ARAP2: variants seen among roughly 807,000 people sequenced by gnomAD.
ARAP2 encodes the protein arf-GAP with Rho-GAP domain, ANK repeat and PH domain-containing protein 2.
A neutral mutation model predicts 194.5 loss-of-function variants in ARAP2; 148 were observed. That is an observed-to-expected ratio of 0.76 (90% confidence interval 0.67 to 0.87). The LOEUF is 0.87. ARAP2 is among the 40% of genes least tolerant of loss of function. ARAP2 has a pLI of 0.00. For missense variants in ARAP2, 2,128 were observed against 1,989.7 expected (o/e 1.07, Z -1.32); for synonymous variants, 695 against 683.5 (o/e 1.02, Z -0.26).
intron 6 of ARAP2, among the ~76,000 whole-genome samples, chr4:36,194,788 GAATT>G (rs1033395189): frequency 1.1e-4 from 17 of 151,832 alleles, no homozygotes; most frequent in African/African-American, 3.4e-4. Context: ...TATAAGCATT[GAATT>G]AATTATGAAG....
At chr4:36,224,764 C>T (rs1178436058) in intron 2 of ARAP2, among the ~76,000 whole-genome samples, 1 of 151,636 alleles carries the variant, frequency 6.6e-6, no homozygotes, top group Non-Finnish European at 1.5e-5. Flanking sequence ...AATAATTAGC[C>T]TTTTTTCATA....
intron 2 of ARAP2, among the ~76,000 whole-genome samples, chr4:36,053,402 G>A (rs897322124): frequency 6.6e-6 from 1 of 151,930 alleles, no homozygotes; most frequent in African/African-American, 2.4e-5. Flanking sequence ...ACATGCACCT[G>A]TGTAGCCTAA....
chr4:36,179,453 G>T (rs1025495466), intron 8 of ARAP2, among the ~76,000 whole-genome samples: 37 of 152,178 alleles, frequency 2.4e-4, no homozygotes, highest in African/African-American at 8.9e-4. Flanking sequence ...CATCCACGCA[G>T]ACTCATAGCA....
Position 36,159,381 on chromosome 4 carries a change from T to C in ARAP2, c.2567A>G (p.Lys856Arg). The change falls in exon 14 of 33, where the codon AAA becomes AGA. Residue 856 changes from lysine (K) to arginine (R), a missense_variant. By Grantham distance (26) the Lys-to-Arg change is conservative. Transcript: ENST00000303965. ...VHSTPYLLAK[K>R]AGQSLQMEFL... ...TTCCATTTGCAGACTTTGCCCAGCTTTCTTGGCTAGCAGATAGGGGGTGCT... is the reference window on the plus strand; with the variant it reads ...TTCCATTTGCAGACTTTGCCCAGCTCTCTTGGCTAGCAGATAGGGGGTGCT... 1.2e-6 allele frequency: 2 copies of C among 1,610,228 alleles called. No homozygotes were observed. The highest frequency in any genetic ancestry group is 1.7e-6 in the Non-Finnish European group (2 of 1,177,624).
chr4:36,144,156 T>C (rs1560521790), intron 19 of ARAP2, among the ~76,000 whole-genome samples: 1 of 151,414 alleles, frequency 6.6e-6, no homozygotes, highest in Non-Finnish European at 1.5e-5. Flanking sequence ...AAATACTCCA[T>C]AGGTTAAAAA....
intron 10 of ARAP2, chr4:36,006,486 T>C (rs960824341): frequency 1.3e-5 from 2 of 152,182 alleles, no homozygotes; most frequent in Admixed American, 1.3e-4. Flanking sequence ...GAACTAATAA[T>C]TGAAGCAAGG....
chr4:36,088,489 T>C (rs1712549803), intron 28 of ARAP2, among the ~76,000 whole-genome samples: 1 of 152,094 alleles, frequency 6.6e-6, no homozygotes, highest in Non-Finnish European at 1.5e-5. Flanking sequence ...AGAATGATAA[T>C]AAATGATAGT....
chr4:36,010,134 TATAA>T (rs1317970829), intron 9 of ARAP2, among the ~76,000 whole-genome samples: 1 of 151,490 alleles, frequency 6.6e-6, no homozygotes, highest in East Asian at 1.9e-4. Flanking sequence ...GAGAAAACAT[TATAA>T]ATAAATAAAT....
intron 5 of ARAP2, among the ~76,000 whole-genome samples, chr4:36,036,605 A>G (rs1719973035): frequency 6.6e-6 from 1 of 152,150 alleles, no homozygotes; most frequent in Admixed American, 6.5e-5. Context: ...TCTATACCAC[A>G]GTAAGTATTT....
At chr4:36,181,415 A>G (rs1739215520) in intron 8 of ARAP2, among the ~76,000 whole-genome samples, 1 of 152,080 alleles carries the variant, frequency 6.6e-6, no homozygotes, top group Non-Finnish European at 1.5e-5. Flanking sequence ...AAAAAAAAAG[A>G]GGTTTAAGAA....
At chr4:36,143,341 T>A (rs568242074) in intron 19 of ARAP2, among the ~76,000 whole-genome samples, 9 of 151,892 alleles carry the variant, frequency 5.9e-5, no homozygotes, top group African/African-American at 1.9e-4. Flanking sequence ...TTCTAATAAA[T>A]GCTTCAATTT....
At chr4:36,024,417 A>G (rs928047899) in intron 5 of ARAP2, among the ~76,000 whole-genome samples, 2 of 152,198 alleles carry the variant, frequency 1.3e-5, no homozygotes, top group Non-Finnish European at 2.9e-5. Context: ...ATTGGAATGC[A>G]TAAGTCATTG....
chr4:36,201,377 C>A (rs1185464222), intron 6 of ARAP2, among the ~76,000 whole-genome samples: 2 of 152,148 alleles, frequency 1.3e-5, no homozygotes, highest in Non-Finnish European at 2.9e-5. Context: ...AACATTTGAC[C>A]TCTACATTTT....
At chr4:36,125,269 A>T (rs1723621150) in intron 21 of ARAP2, among the ~76,000 whole-genome samples, 1 of 151,984 alleles carries the variant, frequency 6.6e-6, no homozygotes, top group South Asian at 2.1e-4. Flanking sequence ...TTTATGGAAT[A>T]CTGAACTTTA....
At chr4:36,230,125 A>G (rs1451504579) in intron 1 of ARAP2, among the ~76,000 whole-genome samples, 1 of 152,214 alleles carries the variant, frequency 6.6e-6, no homozygotes, top group Admixed American at 6.5e-5. Flanking sequence ...CTGGACAAAA[A>G]TCTATAAGCA....
chr4:36,213,401 GT>G, intron 3 of ARAP2, 82 bp from the exon 4 acceptor site: 1 of 1,017,128 alleles, frequency 9.8e-7, no homozygotes, highest in Non-Finnish European at 1.5e-6. Context: ...AAAAGCATGA[GT>G]TTTTTATGGC....
chr4:36,072,971 T>C (rs576119811), intron 32 of ARAP2, among the ~76,000 whole-genome samples: 3 of 152,276 alleles, frequency 2.0e-5, no homozygotes, highest in Admixed American at 6.5e-5. Flanking sequence ...ACAGCTTAAT[T>C]CCAAATTTAG....
intron 31 of ARAP2, among the ~76,000 whole-genome samples, chr4:36,075,395 A>T (rs1005339951): frequency 1.3e-4 from 20 of 152,202 alleles, no homozygotes; most frequent in South Asian, 1.0e-3. Context: ...GTTATTTGTA[A>T]ATGACTTCAA....
At chr4:36,215,279 C>T (rs573628736) in intron 2 of ARAP2, among the ~76,000 whole-genome samples, 7 of 152,286 alleles carry the variant, frequency 4.6e-5, no homozygotes, top group Admixed American at 2.6e-4. Flanking sequence ...TCCACATATA[C>T]AGTCCCACAC....
Sources: gnomAD v4.1 joint callset for allele counts (sites outside exome capture counted in the v4.1 genomes callset) on GRCh38, gnomAD v4.1.1 for gene constraint, MANE v1.5 for transcripts, NCBI Gene and HGNC (gene_info 2026-07-23, HGNC 2026-07-21) for gene names.